Variants in ADAMTS9 observed in about 807,000 individuals in gnomAD.
The protein encoded by ADAMTS9 is A disintegrin and metalloproteinase with thrombospondin motifs 9.
In ADAMTS9, 107 loss-of-function variants were observed where a neutral mutation model predicts 257.1. The observed-to-expected ratio is 0.42, with a 90% CI of 0.36 to 0.49. The LOEUF (loss-of-function observed/expected upper bound fraction) is 0.49, where lower values mean the gene tolerates loss of function less well. ADAMTS9 is among the 20% of genes least tolerant of loss of function. ADAMTS9 has a pLI of 0.03. For synonymous variants in ADAMTS9, 982 were observed against 880.9 expected (o/e 1.11, Z -2.03); for missense variants, 2,353 against 2,469.1 (o/e 0.95, Z 1.00).
At position 64,687,489 on chromosome 3, in the gene ADAMTS9, G is replaced by C; in HGVS notation, c.115+54C>G. On this transcript the variant is annotated intron_variant, in intron 1 of 39. Transcript: ENST00000498707. This position sits in a 1 kb window ranked among gnomAD's most constrained non-coding sequence, Gnocchi z 4.4. The stretch of plus-strand genomic sequence containing the variant: ...CGGGGTGCCCCTGCCCAGGAGCGAG[G>C]ACCGGGAGGCGGCGTCGGGGCCGGC... 2 of 1,401,728 alleles carry C rather than the reference G, an allele frequency of 1.4e-6. No individual in the cohort carries two copies. The highest frequency in any genetic ancestry group is 1.9e-6 in the Non-Finnish European group (2 of 1,041,272). The allele number at this position is 1,401,728 out of a possible 1,614,324, so 86.8% of individuals were successfully genotyped here. A position where few individuals can be genotyped will look rare whatever the true frequency, so the allele number is the denominator to read the frequency against.
In ADAMTS9 at chr3:64,600,064, T is replaced by C. The variant is rs1000322186; in HGVS notation, c.4017+1880A>G. 4.0e-5 allele frequency among the ~76,000 whole-genome samples: 6 copies of C among 150,276 alleles called. 1 individual carries two copies. The highest frequency in any genetic ancestry group is 5.9e-5 in the Non-Finnish European group (4 of 67,576). On this transcript the variant is annotated intron_variant, in intron 26 of 39. Coordinates refer to ENST00000498707, the MANE Select transcript of ADAMTS9 (RefSeq NM_182920.2). ...TCAGTTTCTGTTCTTTTTTTTTTTT[T>C]TTTTTTTGCAAAACTCCTAATTGCT... is the stretch of plus-strand genomic sequence containing the variant.
Position 64,533,150 on chromosome 3 carries a change from A to T in ADAMTS9, c.5718+16T>A. ...GAAATAAAAATTCATCTCCCAACCC[A>T]TCTGTAGAACCTTACCGGCGACTTC... is the stretch of plus-strand genomic sequence containing the variant. On this transcript the variant is annotated intron_variant, in intron 38 of 39. Transcript: ENST00000498707. The T allele has an allele frequency of 6.3e-7, 1 of 1,596,004 alleles. No homozygotes were observed. Among genetic ancestry groups the T allele is most frequent in the South Asian group, 1.1e-5 (1 of 90,158 alleles).
rs537385365 is a variant in ADAMTS9 at position 64,654,208 on chromosome 3, G to A, written c.1316+145C>T. On this transcript the variant is annotated intron_variant, in intron 8 of 39. Transcript: ENST00000498707. ...AAGTCAAAGTCATTTCACCTAATTA[G>A]GTTCAAAGCTCTTCAACCCTGCAAC... is the stretch of plus-strand genomic sequence containing the variant. 30 of 793,578 alleles carry A rather than the reference G, an allele frequency of 3.8e-5. No individual in the cohort carries two copies. The African/African-American group carries it at 4.7e-4, about 12-fold the overall frequency. 49.2% of individuals were successfully genotyped at this position (793,578 alleles called of 1,614,324 possible). A position where few individuals can be genotyped will look rare whatever the true frequency, so the allele number is the denominator to read the frequency against.
At chr3:64,630,721 C>T (rs1470251045) in intron 16 of ADAMTS9, among the ~76,000 whole-genome samples, 1 of 152,158 alleles carries the variant, frequency 6.6e-6, no homozygotes, top group African/African-American at 2.4e-5. Flanking sequence ...ATCACCATGG[C>T]ACACGTTTAC....
chr3:64,557,912 T>C (rs1576014980), intron 30 of ADAMTS9, among the ~76,000 whole-genome samples: 1 of 152,196 alleles, frequency 6.6e-6, no homozygotes, highest in Non-Finnish European at 1.5e-5. Flanking sequence ...GTCTGGGCTC[T>C]ACTCTCATGG....
chr3:64,590,890 C>G (rs550475460), intron 28 of ADAMTS9, among the ~76,000 whole-genome samples: 1 of 152,146 alleles, frequency 6.6e-6, no homozygotes, highest in Non-Finnish European at 1.5e-5. Flanking sequence ...AGCAGGTTGA[C>G]AGGGCAATGC....
chr3:64,610,274 A>C (rs973919427), intron 22 of ADAMTS9, among the ~76,000 whole-genome samples: 1 of 152,242 alleles, frequency 6.6e-6, no homozygotes. Context: ...CATAATTTAA[A>C]ACCTTGTGCA....
chr3:64,633,565 C>T lies in ADAMTS9; in HGVS notation c.2082G>A (p.Gly694=), dbSNP rs1700424213. ...CTCGAAGCTGATAGTAGGCTGTGTT[C>T]CCTGCCACTCTGCAGAACAACTTGC... is the stretch of plus-strand genomic sequence containing the variant. ...DRCKLFCRVA[G]NTAYYQLRDR... Residue 694 remains glycine, a synonymous_variant, in exon 14 of 40, where the codon GGG becomes GGA. Transcript: ENST00000498707. 1 of 1,614,038 alleles carries T rather than the reference C, an allele frequency of 6.2e-7. No homozygotes were observed. Among genetic ancestry groups the T allele is most frequent in the Non-Finnish European group, 8.5e-7 (1 of 1,179,998 alleles).
At chr3:64,554,455 A>G (rs1253258874) in intron 30 of ADAMTS9, among the ~76,000 whole-genome samples, 1 of 152,214 alleles carries the variant, frequency 6.6e-6, no homozygotes, top group Non-Finnish European at 1.5e-5. Context: ...ATCAGAAAAC[A>G]AATCGAGTCC....
At chr3:64,573,413 T>C (rs2083749578) in intron 28 of ADAMTS9, among the ~76,000 whole-genome samples, 1 of 152,154 alleles carries the variant, frequency 6.6e-6, no homozygotes, top group African/African-American at 2.4e-5. Flanking sequence ...AAGGCCAAGA[T>C]AAATGTCATA....
Position 64,601,946 on chromosome 3 carries a change from C to A in ADAMTS9, c.4015G>T (p.Ala1339Ser), listed in dbSNP as rs773740619. ...GNQWRTGPWG[A>S]CSSTCAGGSQ... ...AGCAAACTTCAGGGAATACTCACTG[C>A]TCCCCAGGGGCCAGTTCTCCACTGG... Residue 1339 changes from alanine (A) to serine (S), a missense_variant and splice_region_variant, in exon 26 of 40, where the codon GCA (alanine) becomes TCA (serine). Physicochemically the swap from Ala to Ser is moderately conservative, Grantham distance 99. Coordinates refer to ENST00000498707, the MANE Select transcript of ADAMTS9 (RefSeq NM_182920.2). 5 of 1,596,810 alleles carry A rather than the reference C, an allele frequency of 3.1e-6. No individual in the cohort carries two copies. The highest frequency in any genetic ancestry group is 1.1e-5 in the South Asian group (1 of 88,438).
chr3:64,604,372 G>A (rs766624851), intron 23 of ADAMTS9, 41 bp from the exon 24 acceptor site: 2 of 1,392,002 alleles, frequency 1.4e-6, no homozygotes, highest in Admixed American at 2.0e-5. Context: ...TCACTTTCAA[G>A]TCAATGCACT....
chr3:64,574,797 T>G (rs1480562528), intron 28 of ADAMTS9, among the ~76,000 whole-genome samples: 3 of 152,058 alleles, frequency 2.0e-5, no homozygotes, highest in African/African-American at 7.2e-5. Context: ...AAAAATGGCC[T>G]GGTTAAGACA....
In ADAMTS9 at chr3:64,603,916, G is replaced by A; in HGVS notation, c.3747+6C>T. ...CCCCCTAATTCCAAATAATCCACTGGCTTACAGAGCTCCAGTCCAAGGCCT... is the reference window on the plus strand; with the variant it reads ...CCCCCTAATTCCAAATAATCCACTGACTTACAGAGCTCCAGTCCAAGGCCT... On this transcript the variant is annotated splice_donor_region_variant and intron_variant, in intron 25 of 39. Coordinates refer to ENST00000498707, the MANE Select transcript of ADAMTS9 (RefSeq NM_182920.2). 6.2e-7 allele frequency: 1 copy of A among 1,613,392 alleles called. No homozygotes were observed. Among genetic ancestry groups the A allele is most frequent in the Non-Finnish European group, 8.5e-7 (1 of 1,179,742 alleles).
chr3:64,674,482 T>A (rs1223438652), intron 3 of ADAMTS9, among the ~76,000 whole-genome samples: 1 of 152,240 alleles, frequency 6.6e-6, no homozygotes, highest in Admixed American at 6.5e-5. Context: ...AGGATGAGAA[T>A]AATCAGAGCA....
chr3:64,590,365 T>C (rs2084238766), intron 28 of ADAMTS9, among the ~76,000 whole-genome samples: 1 of 152,180 alleles, frequency 6.6e-6, no homozygotes, highest in South Asian at 2.1e-4. Flanking sequence ...AACATATACA[T>C]TCATTTCTAA....
chr3:64,624,521 A>G (rs1348676775), intron 16 of ADAMTS9, among the ~76,000 whole-genome samples: 1 of 152,192 alleles, frequency 6.6e-6, no homozygotes, highest in Non-Finnish European at 1.5e-5. Flanking sequence ...ATGAGACAAC[A>G]GCTGCTTCAG....
intron 39 of ADAMTS9, among the ~76,000 whole-genome samples, chr3:64,519,959 G>T (rs1380999168): frequency 1.3e-5 from 2 of 152,036 alleles, no homozygotes; most frequent in African/African-American, 4.8e-5. Flanking sequence ...TCAGGCAAGA[G>T]AAAGAAAGAA....
intron 21 of ADAMTS9, chr3:64,614,966 A>C (rs2084734129): frequency 5.8e-6 from 1 of 172,624 alleles, no homozygotes; most frequent in Non-Finnish European, 1.2e-5. Context: ...TGTTGACTTC[A>C]GATGTGAGCT....
Sources: allele counts gnomAD v4.1 joint callset (sites outside exome capture counted in the v4.1 genomes callset), GRCh38; gene constraint gnomAD v4.1.1; non-coding constraint Gnocchi (gnomAD v3.1); transcripts MANE v1.5; gene names NCBI Gene and HGNC (gene_info 2026-07-23, HGNC 2026-07-21).